The following DAB1 variants were observed in gnomAD, a reference collection of about 807,000 sequenced individuals.
The protein encoded by DAB1 is DAB adaptor protein 1, also known as disabled homolog 1.
Under a neutral mutation model 64.6 loss-of-function variants are expected in DAB1, and 15 were observed. That is an observed-to-expected ratio of 0.23 (90% confidence interval 0.16 to 0.36). The LOEUF (loss-of-function observed/expected upper bound fraction) is 0.36, where lower values mean the gene tolerates loss of function less well. Among genes scored for constraint, DAB1 ranks in the 10% least tolerant of loss-of-function variants. The pLI, the probability that DAB1 is intolerant of heterozygous loss-of-function variation, is 1.00. For synonymous variants in DAB1, 235 were observed against 251.9 expected (o/e 0.93, Z 0.64); for missense variants, 596 against 706.7 (o/e 0.84, Z 1.78).
At chr1:57,442,680 C>T (rs1376531470) in intron 7 of DAB1, among the ~76,000 whole-genome samples, 2 of 152,054 alleles carry the variant, frequency 1.3e-5, no homozygotes, top group Non-Finnish European at 1.5e-5. Context: ...TTATGTTTTC[C>T]GGAGAGAGAA....
chr1:57,897,861 G>A (rs1644415616), intron 5 of DAB1, among the ~76,000 whole-genome samples: 2 of 152,134 alleles, frequency 1.3e-5, no homozygotes, highest in South Asian at 4.1e-4. Context: ...CAGCAAAACC[G>A]GGATTTAAAC....
In DAB1 at chr1:57,137,731, T is replaced by C. The variant is rs889722683; in HGVS notation, c.208-1090A>G. On this transcript the variant is annotated intron_variant, in intron 3 of 14. Transcript: ENST00000371236. Reference sequence around the variant, plus strand: ...CTTTTAGAAGAAGAAAAGTCTAAAATAATGATTTCATATTTCCAGGAGACA... The same window carrying C: ...CTTTTAGAAGAAGAAAAGTCTAAAACAATGATTTCATATTTCCAGGAGACA... 2.0e-5 allele frequency among the ~76,000 whole-genome samples: 3 copies of C among 152,310 alleles called. No individual in the cohort carries two copies. The East Asian group carries it at 5.8e-4, about 29-fold the overall frequency.
intron 2 of DAB1, among the ~76,000 whole-genome samples, chr1:57,199,543 G>A (rs1321652139): frequency 3.3e-5 from 5 of 152,214 alleles, no homozygotes; most frequent in African/African-American, 7.2e-5. Context: ...GAAGAAGACC[G>A]CGGGCTATGC....
intron 5 of DAB1, among the ~76,000 whole-genome samples, chr1:58,135,339 A>G (rs1653882065): frequency 6.6e-6 from 1 of 152,124 alleles, no homozygotes; most frequent in Non-Finnish European, 1.5e-5. Context: ...TATTATAGAC[A>G]ATCAATTTGA....
chr1:58,335,167 C>T (rs191451086), intron 4 of DAB1, among the ~76,000 whole-genome samples: 27 of 152,222 alleles, frequency 1.8e-4, no homozygotes, highest in Admixed American at 1.6e-3. Flanking sequence ...TGAGGGTACA[C>T]GTACAAAAAC....
chr1:57,121,066 G>A (rs1203026214), intron 4 of DAB1, among the ~76,000 whole-genome samples: 2 of 151,802 alleles, frequency 1.3e-5, no homozygotes, highest in African/African-American at 4.8e-5. Flanking sequence ...ATAGTGGGTA[G>A]GGGAGACAGG....
intron 8 of DAB1, among the ~76,000 whole-genome samples, chr1:57,064,024 A>G (rs1650666944): frequency 6.6e-6 from 1 of 152,234 alleles, no homozygotes; most frequent in African/African-American, 2.4e-5. Context: ...CATAGTGCCT[A>G]ACACCCAGTA....
chr1:57,955,146 T>C (rs1645362569), intron 5 of DAB1, among the ~76,000 whole-genome samples: 1 of 152,196 alleles, frequency 6.6e-6, no homozygotes, highest in Non-Finnish European at 1.5e-5. Context: ...ATACAGTCTG[T>C]TCTATTTTTA....
At chr1:58,080,867 A>G (rs914759094) in intron 5 of DAB1, among the ~76,000 whole-genome samples, 3 of 152,248 alleles carry the variant, frequency 2.0e-5, no homozygotes, top group African/African-American at 7.2e-5. Flanking sequence ...TACAATTAAC[A>G]GTAAGTTTTC....
intron 6 of DAB1, among the ~76,000 whole-genome samples, chr1:57,740,247 C>T (rs1647921903): frequency 6.6e-6 from 1 of 151,960 alleles, no homozygotes. Flanking sequence ...CATCCATAAG[C>T]CACATAAAAA....
At chr1:58,485,229 A>AC (rs1645557116) in intron 3 of DAB1, among the ~76,000 whole-genome samples, 1 of 46,908 alleles carries the variant, frequency 2.1e-5, no homozygotes, top group African/African-American at 1.6e-4. Context: ...GTCTACTACT[A>AC]AAAAAAAAAA....
chr1:58,260,839 C>T (rs371999248), intron 4 of DAB1, among the ~76,000 whole-genome samples: 3 of 152,274 alleles, frequency 2.0e-5, no homozygotes, highest in African/African-American at 7.2e-5. Context: ...CTCATACCCT[C>T]ATCTGTGTTT....
chr1:57,518,715 A>G (rs1342309029), intron 7 of DAB1, among the ~76,000 whole-genome samples: 1 of 152,168 alleles, frequency 6.6e-6, no homozygotes, highest in Non-Finnish European at 1.5e-5. Context: ...TGCACACAAG[A>G]ACTCTCAACC....
chr1:57,260,152 C>T (rs957942868), intron 2 of DAB1, among the ~76,000 whole-genome samples: 1 of 152,174 alleles, frequency 6.6e-6, no homozygotes, highest in Non-Finnish European at 1.5e-5. Flanking sequence ...CACAAATACT[C>T]ACCAAGGGCA....
intron 3 of DAB1, among the ~76,000 whole-genome samples, chr1:58,344,235 G>C (rs958540628): frequency 1.3e-5 from 2 of 152,106 alleles, no homozygotes; most frequent in East Asian, 3.9e-4. Context: ...TTATAGCAAG[G>C]GAGCTCCTGA....
intron 3 of DAB1, among the ~76,000 whole-genome samples, chr1:58,369,964 T>C (rs1644249603): frequency 6.6e-6 from 1 of 152,238 alleles, no homozygotes; most frequent in Non-Finnish European, 1.5e-5. Context: ...CTAGCCAAAG[T>C]ATAAATTGTT....
chr1:56,997,707 C>A lies in DAB1; in HGVS notation c.*437G>T, dbSNP rs999308512. The A allele has an allele frequency of 6.6e-6, 1 of 152,156 alleles. No homozygotes were observed. The highest frequency in any genetic ancestry group is 1.5e-5 in the Non-Finnish European group (1 of 68,030). 9.4% of individuals were successfully genotyped at this position (152,156 alleles called of 1,614,324 possible). On this transcript the variant is annotated 3_prime_UTR_variant, in exon 15 of 15. Transcript: ENST00000371236. ...TTTTGCTTAAAGAAGTCAGTTCCAA[C>A]CCTGTTGTAATCCTCTGATGCCTGT...
At chr1:58,440,943 C>T (rs1028749230) in intron 3 of DAB1, among the ~76,000 whole-genome samples, 2 of 152,158 alleles carry the variant, frequency 1.3e-5, no homozygotes, top group African/African-American at 4.8e-5. Context: ...CAGTGGGTAA[C>T]TAGTGCTTAA....
At chr1:57,740,338 A>G (rs143151335) in intron 6 of DAB1, among the ~76,000 whole-genome samples, 41 of 152,342 alleles carry the variant, frequency 2.7e-4, no homozygotes, top group African/African-American at 9.4e-4. Flanking sequence ...GGCTCTGGTG[A>G]TAACAGGCTT....
Sources: allele counts gnomAD v4.1 joint callset (sites outside exome capture counted in the v4.1 genomes callset), GRCh38; gene constraint gnomAD v4.1.1; transcripts MANE v1.5; gene names NCBI Gene and HGNC (gene_info 2026-07-23, HGNC 2026-07-21).